The following RSRC1 variants were observed in gnomAD, a reference collection of about 807,000 sequenced individuals.
RSRC1 encodes the protein arginine and serine rich coiled-coil 1.
RSRC1 carries 39 observed loss-of-function variants against 49.1 expected under a neutral mutation model. That is an observed-to-expected ratio of 0.79 (90% CI 0.61 to 1.04). The LOEUF is 1.04. Among genes scored for constraint, RSRC1 ranks in the 50% least tolerant of loss-of-function variants. The pLI, the probability that RSRC1 is intolerant of heterozygous loss-of-function variation, is 0.00. For synonymous variants in RSRC1, 143 were observed against 130.8 expected (o/e 1.09, Z -0.63); for missense variants, 388 against 402.4 (o/e 0.96, Z 0.31).
chr3:158,417,262 T>C (rs1734790531), intron 6 of RSRC1, among the ~76,000 whole-genome samples: 4 of 152,210 alleles, frequency 2.6e-5, no homozygotes, highest in East Asian at 3.9e-4. Flanking sequence ...CTTTTACATA[T>C]AATATCAACG....
intron 1 of RSRC1, among the ~76,000 whole-genome samples, chr3:158,112,449 T>C (rs1714477834): frequency 6.6e-6 from 1 of 152,166 alleles, no homozygotes; most frequent in South Asian, 2.1e-4. Context: ...AATTTTGGGA[T>C]CTACTTTGTG....
At chr3:158,230,303 G>C (rs1722878169) in intron 4 of RSRC1, among the ~76,000 whole-genome samples, 1 of 152,038 alleles carries the variant, frequency 6.6e-6, no homozygotes, top group Non-Finnish European at 1.5e-5. Flanking sequence ...ACAGGATGTT[G>C]GTTTGCCCCA....
chr3:158,351,024 A>G (rs1303540984), intron 5 of RSRC1, among the ~76,000 whole-genome samples: 3 of 152,284 alleles, frequency 2.0e-5, no homozygotes, highest in African/African-American at 2.4e-5. Context: ...TTTAAAAAAA[A>G]TAACTATAGA....
At chr3:158,490,632 CTATT>C (rs1364744406) in intron 7 of RSRC1, among the ~76,000 whole-genome samples, 1 of 152,096 alleles carries the variant, frequency 6.6e-6, no homozygotes, top group Non-Finnish European at 1.5e-5. Context: ...TCATTTTTAT[CTATT>C]TAATTTAGAT....
chr3:158,317,295 CT>C (rs1456916518), intron 5 of RSRC1, among the ~76,000 whole-genome samples: 1 of 152,148 alleles, frequency 6.6e-6, no homozygotes, highest in Non-Finnish European at 1.5e-5. Context: ...GTGGCGTGAT[CT>C]CGGCTCACTG....
intron 7 of RSRC1, among the ~76,000 whole-genome samples, chr3:158,463,216 T>C (rs1210082371): frequency 6.6e-6 from 1 of 152,090 alleles, no homozygotes; most frequent in Non-Finnish European, 1.5e-5. Flanking sequence ...GCATGCAAAA[T>C]TAAACCAAAG....
intron 3 of RSRC1, among the ~76,000 whole-genome samples, chr3:158,195,105 G>T (rs986738649): frequency 4.6e-5 from 7 of 152,176 alleles, no homozygotes; most frequent in Non-Finnish European, 7.3e-5. Context: ...CTAGTTTACA[G>T]TCCCACCAAC....
At chr3:158,233,836 G>A (rs1371286288) in intron 4 of RSRC1, among the ~76,000 whole-genome samples, 3 of 152,048 alleles carry the variant, frequency 2.0e-5, no homozygotes. Flanking sequence ...CTCATGCTCT[G>A]GGCTATATTC....
In RSRC1 at chr3:158,382,198, T is replaced by C. The variant is rs73874395; in HGVS notation, c.583+27290T>C. 2.1e-3 allele frequency among the ~76,000 whole-genome samples: 320 copies of C among 152,292 alleles called. 1 individual carries two copies. The highest frequency in any genetic ancestry group is 7.2e-3 in the African/African-American group (300 of 41,552). On this transcript the variant is annotated intron_variant, in intron 6 of 9. Transcript: ENST00000611884. ...TCTCCCATCTCCATATCTTGTCCCATTGGAAGATCTTCAGGGGCAATAACA... is the reference window on the plus strand; with the variant it reads ...TCTCCCATCTCCATATCTTGTCCCACTGGAAGATCTTCAGGGGCAATAACA...
At chr3:158,193,309 T>C (rs1447685692) in intron 3 of RSRC1, among the ~76,000 whole-genome samples, 1 of 152,122 alleles carries the variant, frequency 6.6e-6, no homozygotes, top group African/African-American at 2.4e-5. Context: ...AACATGATTT[T>C]ACCAAAATCC....
intron 4 of RSRC1, among the ~76,000 whole-genome samples, chr3:158,248,955 ATTG>A (rs1724058612): frequency 6.6e-6 from 1 of 152,042 alleles, no homozygotes; most frequent in Non-Finnish European, 1.5e-5. Flanking sequence ...AATAGTTGGT[ATTG>A]TTGTTCTTTC....
At chr3:158,305,407 C>T (rs1418551815) in intron 5 of RSRC1, among the ~76,000 whole-genome samples, 2 of 152,102 alleles carry the variant, frequency 1.3e-5, no homozygotes, top group East Asian at 3.8e-4. Context: ...ATTAAAGTAA[C>T]TCCCACTTCT....
intron 4 of RSRC1, among the ~76,000 whole-genome samples, chr3:158,263,662 T>A (rs923396431): frequency 6.6e-6 from 1 of 152,144 alleles, no homozygotes; most frequent in Non-Finnish European, 1.5e-5. Flanking sequence ...GATTTTTCTT[T>A]GTGGAAAGGT....
At chr3:158,145,564 A>C (rs74944238) in intron 3 of RSRC1, among the ~76,000 whole-genome samples, 5 of 151,870 alleles carry the variant, frequency 3.3e-5, no homozygotes, top group Non-Finnish European at 7.4e-5. Context: ...GTCAGGTAGC[A>C]TGATGCCTCC....
intron 6 of RSRC1, among the ~76,000 whole-genome samples, chr3:158,365,821 C>G (rs1387877502): frequency 3.3e-5 from 5 of 152,148 alleles, no homozygotes; most frequent in African/African-American, 1.2e-4. Context: ...AGTTTCCTTA[C>G]TTTTTAATGA....
At chr3:158,278,196 G>C (rs1725927786) in intron 4 of RSRC1, among the ~76,000 whole-genome samples, 1 of 152,166 alleles carries the variant, frequency 6.6e-6, no homozygotes. Context: ...AGCAAGTGAG[G>C]TTCACTGTTG....
At chr3:158,520,755 A>G (rs1400314087) in intron 7 of RSRC1, among the ~76,000 whole-genome samples, 2 of 152,196 alleles carry the variant, frequency 1.3e-5, no homozygotes, top group Non-Finnish European at 2.9e-5. Context: ...GTTTATTGCT[A>G]ACATTGTTAT....
At chr3:158,429,751 A>G (rs1056292285) in intron 6 of RSRC1, among the ~76,000 whole-genome samples, 1 of 151,260 alleles carries the variant, frequency 6.6e-6, no homozygotes, top group African/African-American at 2.4e-5. Flanking sequence ...AAACTTGAGG[A>G]CATTATGCCA....
intron 5 of RSRC1, among the ~76,000 whole-genome samples, chr3:158,350,999 C>T (rs547480064): frequency 6.6e-6 from 1 of 152,052 alleles, no homozygotes; most frequent in Admixed American, 6.5e-5. Flanking sequence ...TTCTTTCTTC[C>T]TCCTTAATCC....
Sources: allele counts gnomAD v4.1 joint callset (sites outside exome capture counted in the v4.1 genomes callset), GRCh38; gene constraint gnomAD v4.1.1; transcripts MANE v1.5; gene names NCBI Gene and HGNC (gene_info 2026-07-23, HGNC 2026-07-21).